The following CENPA variants were observed in gnomAD, a reference collection of about 807,000 sequenced individuals.
The protein encoded by CENPA is histone H3-like centromeric protein A.
CENPA carries 7 observed loss-of-function variants against 17.2 expected under a neutral mutation model. That is an observed-to-expected ratio of 0.41 (90% CI 0.23 to 0.76). CENPA has a LOEUF of 0.76. Ranked by LOEUF, CENPA falls within the 30% of genes least tolerant of loss-of-function variation. The pLI is 0.34. For synonymous variants in CENPA, 82 were observed against 77.4 expected, an observed-to-expected ratio of 1.06 and a Z score of -0.31; for missense variants, 149 against 193.1, an observed-to-expected ratio of 0.77 and a Z score of 1.35.
chr2:26,790,090 T>C (rs1327610895), intron 1 of CENPA, among the ~76,000 whole-genome samples: 1 of 152,254 alleles, frequency 6.6e-6, no homozygotes, highest in Non-Finnish European at 1.5e-5. Flanking sequence ...TCTTGGGTCA[T>C]GGATTTCATA....
rs1201873825 is a variant in CENPA, at chr2:26,793,924, T to A, written c.*160T>A. ...TGTGTGTTGCTTTAAATATTTTTCT[T>A]TTTTTTGAGAAGGAGAAGACTGCAT... On this transcript the variant is annotated 3_prime_UTR_variant, in exon 5 of 5. Transcript: ENST00000335756. The A allele has an allele frequency of 6.6e-6, 1 of 152,206 alleles. No individual in the cohort carries two copies. The highest frequency in any genetic ancestry group is 1.9e-4 in the East Asian group (1 of 5,200). 9.4% of individuals were successfully genotyped at this position (152,206 alleles called of 1,614,324 possible).
chr2:26,793,182 C>T lies in CENPA; in HGVS notation c.326C>T (p.Ala109Val). ...EAFLVHLFED[A>V]YLLTLHAGRV... The stretch of plus-strand genomic sequence containing the variant: ...TTTCTAGTTCATCTCTTTGAGGACG[C>T]CTATCTCCTCACCTTACATGCAGGC... The change falls in exon 4 of 5, where the codon GCC becomes GTC. Residue 109 changes from alanine (A) to valine (V), a missense_variant. Ala to Val is a moderately conservative substitution (Grantham distance 64). Around this residue, in one of 2 missense-constraint regions of CENPA, gnomAD observed 54 missense variants for 105.7 expected, o/e 0.51. Transcript: ENST00000335756. The T allele has an allele frequency of 1.2e-6, 2 of 1,614,174 alleles. No homozygotes were observed. The highest frequency in any genetic ancestry group is 1.7e-6 in the Non-Finnish European group (2 of 1,180,022).
rs559033036 is a variant in CENPA, at chr2:26,786,177, A to G, written c.-20A>G. On this transcript the variant is annotated 5_prime_UTR_variant, in exon 1 of 5. Transcript: ENST00000335756. ...AGCAGGAGCCGTGGGACCGGGCGCCAGCACCCTCTGCGGCGTGTCATGGGC... is the reference window on the plus strand; with the variant it reads ...AGCAGGAGCCGTGGGACCGGGCGCCGGCACCCTCTGCGGCGTGTCATGGGC... 4.7e-3 allele frequency: 6,701 copies of G among 1,432,964 alleles called. 21 individuals are homozygous for G. The highest frequency in any genetic ancestry group is 5.6e-3 in the Non-Finnish European group (6,209 of 1,099,898). The allele number at this position is 1,432,964 out of a possible 1,614,324, so 88.8% of individuals were successfully genotyped here.
chr2:26,787,821 G>C (rs1463862462), intron 1 of CENPA, among the ~76,000 whole-genome samples: 1 of 152,102 alleles, frequency 6.6e-6, no homozygotes, highest in African/African-American at 2.4e-5. Context: ...CAGCCAACTT[G>C]CTGAATTCTC....
chr2:26,787,370 C>G (rs1232380338), intron 1 of CENPA, among the ~76,000 whole-genome samples: 1 of 152,242 alleles, frequency 6.6e-6, no homozygotes, highest in South Asian at 2.1e-4. Flanking sequence ...CGCCTACCAC[C>G]ACGCCCGGCT....
intron 1 of CENPA, among the ~76,000 whole-genome samples, chr2:26,791,885 C>T (rs1184746165): frequency 2.6e-5 from 4 of 152,216 alleles, no homozygotes; most frequent in Non-Finnish European, 5.9e-5. Flanking sequence ...TATTTAGCAC[C>T]TATCTGCTAT....
rs1664504532 is a variant in CENPA at position 26,786,181 on chromosome 2, C to G, written c.-16C>G. ...GGAGCCGTGGGACCGGGCGCCAGCA[C>G]CCTCTGCGGCGTGTCATGGGCCCGC... On this transcript the variant is annotated 5_prime_UTR_variant, in exon 1 of 5. Coordinates refer to ENST00000335756, the MANE Select transcript of CENPA (RefSeq NM_001809.4). 1 of 1,439,552 alleles carries G rather than the reference C, an allele frequency of 6.9e-7. No homozygotes were observed. Among genetic ancestry groups the G allele is most frequent in the Non-Finnish European group, 9.1e-7 (1 of 1,102,864 alleles). The allele number at this position is 1,439,552 out of a possible 1,614,324, so 89.2% of individuals were successfully genotyped here. A position where few individuals can be genotyped will look rare whatever the true frequency, so the allele number is the denominator to read the frequency against.
rs774838491 is a variant in CENPA, at chr2:26,793,102, T to C, written c.289-43T>C. On this transcript the variant is annotated intron_variant, in intron 3 of 4. Transcript: ENST00000335756. The stretch of plus-strand genomic sequence containing the variant: ...CAGGTTTCCAAAAAAAAGCAGCCCG[T>C]GGCCCTTCATCTGTGTCCGTCTTTT... The C allele has an allele frequency of 1.7e-5, 28 of 1,610,836 alleles. No individual in the cohort carries two copies. In the Admixed American group the frequency reaches 2.5e-4, roughly 14 times the overall value.
At chr2:26,789,296 G>A (rs2217742) in intron 1 of CENPA, among the ~76,000 whole-genome samples, 42,018 of 151,766 alleles carry the variant, frequency 0.28, 6,404 homozygotes, top group Non-Finnish European at 0.34. Flanking sequence ...GACGCAGTGG[G>A]CCTCTTTCTC....
chr2:26,792,684 G>A (rs968587178), intron 2 of CENPA, 72 bp from the exon 3 acceptor site: 9 of 1,228,098 alleles, frequency 7.3e-6, no homozygotes, highest in African/African-American at 1.5e-5. Context: ...CTCATGGAGA[G>A]CATCATTGTC....
At chr2:26,790,771 T>A (rs574033433) in intron 1 of CENPA, among the ~76,000 whole-genome samples, 1 of 152,394 alleles carries the variant, frequency 6.6e-6, no homozygotes, top group East Asian at 1.9e-4. Context: ...CCCTGTTTCA[T>A]TGGCCTGTGT....
Position 26,793,146 on chromosome 2 carries a change from C to G in CENPA, c.290C>G (p.Ala97Gly), listed in dbSNP as rs1373414246. The change falls in exon 4 of 5, where the codon GCA becomes GGA. Residue 97 changes from alanine (A) to glycine (G), a missense_variant and splice_region_variant. Around this residue, in one of 2 missense-constraint regions of CENPA, gnomAD observed 54 missense variants for 105.7 expected, o/e 0.51. Transcript: ENST00000335756. ...GTCTTTTTCTCTTTCTGTCTCCAGGCAGCAGAAGCATTTCTAGTTCATCTC... is the reference window on the plus strand; with the variant it reads ...GTCTTTTTCTCTTTCTGTCTCCAGGGAGCAGAAGCATTTCTAGTTCATCTC... Reference protein sequence around the residue: ...QAQALLALQEAAEAFLVHLFE... With the variant: ...QAQALLALQEGAEAFLVHLFE... 6.2e-7 allele frequency: 1 copy of G among 1,613,932 alleles called. No homozygotes were observed. The highest frequency in any genetic ancestry group is 1.3e-5 in the African/African-American group (1 of 74,940).
chr2:26,793,346 C>T lies in CENPA; in HGVS notation c.*47+20C>T. 6.3e-7 allele frequency: 1 copy of T among 1,587,272 alleles called. No homozygotes were observed. Among genetic ancestry groups the T allele is most frequent in the Non-Finnish European group, 8.6e-7 (1 of 1,165,862 alleles). On this transcript the variant is annotated intron_variant, in intron 4 of 4. Coordinates refer to ENST00000335756, the MANE Select transcript of CENPA (RefSeq NM_001809.4). ...CAGGGGGTAAGCTCATCCTCTTTCA[C>T]AGGACTGGGGCTGGAATTTCTCAAG...
chr2:26,794,048 G>A lies in CENPA; in HGVS notation c.*284G>A, dbSNP rs1009303333. The stretch of plus-strand genomic sequence containing the variant: ...TAAAGAGACTCCAAGGTTGACTTTA[G>A]TTTGTGAGTTACTCATGTGACTATT... On this transcript the variant is annotated 3_prime_UTR_variant, in exon 5 of 5. Transcript: ENST00000335756. 5.9e-5 allele frequency: 9 copies of A among 152,202 alleles called. No homozygotes were observed. The highest frequency in any genetic ancestry group is 7.2e-5 in the African/African-American group (3 of 41,446). The allele number at this position is 152,202 out of a possible 1,614,324, so 9.4% of individuals were successfully genotyped here. A position where few individuals can be genotyped will look rare whatever the true frequency, so the allele number is the denominator to read the frequency against.
chr2:26,788,725 G>A (rs1255192138), intron 1 of CENPA, among the ~76,000 whole-genome samples: 2 of 152,194 alleles, frequency 1.3e-5, no homozygotes, highest in African/African-American at 2.4e-5. Flanking sequence ...GCCCAGGCTG[G>A]AGAGCAACGG....
Position 26,794,184 on chromosome 2 carries a change from CTTTTA to C in CENPA, c.*426_*430del, listed in dbSNP as rs1664672731. The C allele has an allele frequency of 6.6e-6, 1 of 152,186 alleles. No homozygotes were observed. The highest frequency in any genetic ancestry group is 2.4e-5 in the African/African-American group (1 of 41,442). 9.4% of individuals were successfully genotyped at this position (152,186 alleles called of 1,614,324 possible). On this transcript the variant is annotated 3_prime_UTR_variant, in exon 5 of 5. Transcript: ENST00000335756. The stretch of plus-strand genomic sequence containing the variant: ...ATTTTTTACCATATGTACATTTGTA[CTTTTA>C]TTTTACACATAAGGGAAAAAATAAG...
intron 4 of CENPA, 66 bp downstream of exon 4, chr2:26,793,392 T>G: frequency 3.6e-6 from 5 of 1,384,866 alleles, no homozygotes; most frequent in Non-Finnish European, 4.9e-6. Context: ...TCTCCATCCA[T>G]AGTCCCTTGT....
chr2:26,786,742 A>G (rs1397151254), intron 1 of CENPA, among the ~76,000 whole-genome samples: 1 of 152,252 alleles, frequency 6.6e-6, no homozygotes, highest in African/African-American at 2.4e-5. Flanking sequence ...TTTAAATTGC[A>G]AAAGTATTGA....
At position 26,792,787 on chromosome 2, in the gene CENPA, G is replaced by T; in HGVS notation, c.242G>T (p.Gly81Val). 3 of 1,614,172 alleles carry T rather than the reference G, an allele frequency of 1.9e-6. No homozygotes were observed. The highest frequency in any genetic ancestry group is 1.7e-6 in the Non-Finnish European group (2 of 1,180,038). The change falls in exon 3 of 5, where the codon GGT (glycine) becomes GTT (valine). Residue 81 changes from glycine to valine, a missense_variant. Around this residue, in one of 2 missense-constraint regions of CENPA, gnomAD observed 54 missense variants for 105.7 expected, o/e 0.51. Transcript: ENST00000335756. ...GAAATATGTGTTAAATTCACTCGTG[G>T]TGTGGACTTCAATTGGCAAGCCCAG... ...AREICVKFTR[G>V]VDFNWQAQAL...
Sources: allele counts gnomAD v4.1 joint callset (sites outside exome capture counted in the v4.1 genomes callset), GRCh38; gene constraint gnomAD v4.1.1; regional missense constraint gnomAD v4.1.1; transcripts MANE v1.5; gene names NCBI Gene and HGNC (gene_info 2026-07-23, HGNC 2026-07-21).